The following RNFT1 variants were observed in gnomAD, a reference collection of about 807,000 sequenced individuals.
RNFT1 encodes ring finger protein, transmembrane 1.
In RNFT1, 35 loss-of-function variants were observed where a neutral mutation model predicts 53.2. That is an observed-to-expected ratio of 0.66 (90% confidence interval 0.50 to 0.87). RNFT1 has a LOEUF of 0.87. Among genes scored for constraint, RNFT1 ranks in the 40% least tolerant of loss-of-function variants. The probability of loss-of-function intolerance (pLI) is 0.00; values close to 1 mark genes in which losing one functional copy is unlikely to be tolerated. For synonymous variants in RNFT1, 141 were observed against 172.8 expected (o/e 0.82, Z 1.44); for missense variants, 421 against 515.0 (o/e 0.82, Z 1.77).
At chr17:59,953,837 A>AT (rs2045237054) in intron 8 of RNFT1, 2 of 407,198 alleles carry the variant, frequency 4.9e-6, no homozygotes, top group Non-Finnish European at 8.7e-6. Context: ...CAGTTGAATT[A>AT]TTTTTTCCCC....
intron 4 of RNFT1, 199 bp downstream of exon 4, chr17:59,959,869 C>A: frequency 2.9e-6 from 1 of 348,656 alleles, no homozygotes; most frequent in East Asian, 6.0e-5. Context: ...AAGATCAAGA[C>A]ACTGCACTCC....
At position 59,952,893 on chromosome 17, in the gene RNFT1, C is replaced by T; in HGVS notation, c.*84G>A. The T allele has an allele frequency of 1.5e-6, 2 of 1,305,974 alleles. No homozygotes were observed. The highest frequency in any genetic ancestry group is 2.1e-6 in the Non-Finnish European group (2 of 947,358). The allele number at this position is 1,305,974 out of a possible 1,614,324, so 80.9% of individuals were successfully genotyped here. ...CATCTGGAAACATTTTTCTGGTAGCCCTGAAAATCCATTCTGATGCCTTAT... is the reference window on the plus strand; with the variant it reads ...CATCTGGAAACATTTTTCTGGTAGCTCTGAAAATCCATTCTGATGCCTTAT... On this transcript the variant is annotated 3_prime_UTR_variant, in exon 9 of 9. Transcript: ENST00000305783.
At chr17:59,961,585 T>G (rs2045292535) in intron 3 of RNFT1, among the ~76,000 whole-genome samples, 2 of 146,794 alleles carry the variant, frequency 1.4e-5, no homozygotes, top group African/African-American at 5.0e-5. Flanking sequence ...ATTTTCTCTC[T>G]TTTTTTTTTT....
rs2045280002 is a variant in RNFT1 at position 59,960,236 on chromosome 17, T to C, written c.592-68A>G. 8 of 1,479,282 alleles carry C rather than the reference T, an allele frequency of 5.4e-6. No homozygotes were observed. The South Asian group carries it at 1.0e-4, about 19-fold the overall frequency. 91.6% of individuals were successfully genotyped at this position (1,479,282 alleles called of 1,614,324 possible). ...GAATTTTAAATATCATTAAACTGTT[T>C]TACTTTAATGACTATTAACTTAGAA... On this transcript the variant is annotated intron_variant, in intron 3 of 8. Transcript: ENST00000305783.
intron 4 of RNFT1, chr17:59,959,280 C>T (rs1266945215): frequency 6.6e-6 from 1 of 152,542 alleles, no homozygotes; most frequent in Admixed American, 6.5e-5. Flanking sequence ...TCTTGCTTCT[C>T]TCCACCCACC....
chr17:59,962,661 A>C, intron 2 of RNFT1, 45 bp from the exon 3 acceptor site: 1 of 1,464,976 alleles, frequency 6.8e-7, no homozygotes, highest in Non-Finnish European at 9.4e-7. Context: ...AAAAAAATCA[A>C]AGAGGATTAT....
At position 59,958,373 on chromosome 17, in the gene RNFT1, T is replaced by C. The variant is rs779444337; in HGVS notation, c.764A>G (p.Asp255Gly). The stretch of plus-strand genomic sequence containing the variant: ...CATGAAAAAGAATTTCAGAATGAAG[T>C]CTGTAATTCCAACAATCCAAAATAC... ...WEVFWIVGIT[D>G]FILKFFFMGL... The change falls in exon 5 of 9, where the codon GAC becomes GGC. Residue 255 changes from aspartate to glycine, a missense_variant. Asp to Gly is a moderately conservative substitution (Grantham distance 94). Transcript: ENST00000305783. 1 of 1,605,512 alleles carries C rather than the reference T, an allele frequency of 6.2e-7. No homozygotes were observed. The highest frequency in any genetic ancestry group is 1.1e-5 in the South Asian group (1 of 88,318).
In RNFT1 at chr17:59,957,353, C is replaced by G. The variant is rs751790687; in HGVS notation, c.876G>C (p.Leu292Phe). ...KGYWYMLLEE[L>F]CQYYRTFVPI... Reference sequence around the variant, plus strand: ...GAACAAAAGTTCGGTAGTATTGACACAATTCTTCTAAAAGCATATACCAGT... The same window carrying G: ...GAACAAAAGTTCGGTAGTATTGACAGAATTCTTCTAAAAGCATATACCAGT... The change falls in exon 6 of 9, where the codon TTG (leucine) becomes TTC (phenylalanine). Residue 292 changes from leucine to phenylalanine, a missense_variant. Leu to Phe is a conservative substitution (Grantham distance 22). Coordinates refer to ENST00000305783, the MANE Select transcript of RNFT1 (RefSeq NM_016125.4). 6.2e-7 allele frequency: 1 copy of G among 1,613,538 alleles called. No homozygotes were observed. Among genetic ancestry groups the G allele is most frequent in the Non-Finnish European group, 8.5e-7 (1 of 1,179,852 alleles).
chr17:59,962,880 C>G lies in RNFT1; in HGVS notation c.461G>C (p.Ser154Thr). 1 of 1,613,870 alleles carries G rather than the reference C, an allele frequency of 6.2e-7. No individual in the cohort carries two copies. Among genetic ancestry groups the G allele is most frequent in the Non-Finnish European group, 8.5e-7 (1 of 1,179,838 alleles). ...FRYLFKWLQK[S>T]LPYILILSVK... Reference sequence around the variant, plus strand: ...GCTCAGAATCAAAATATATGGAAGACTTTTTTGCAGCCACTTGAAGAGATA... The same window carrying G: ...GCTCAGAATCAAAATATATGGAAGAGTTTTTTGCAGCCACTTGAAGAGATA... The change falls in exon 2 of 9, where the codon AGT becomes ACT. Residue 154 changes from serine to threonine, a missense_variant. Transcript: ENST00000305783.
intron 5 of RNFT1, among the ~76,000 whole-genome samples, chr17:59,957,640 G>A (rs950618525): frequency 6.6e-6 from 1 of 152,162 alleles, no homozygotes; most frequent in Non-Finnish European, 1.5e-5. Context: ...GAGGTCAGGA[G>A]TTCGAGACCA....
chr17:59,952,798 T>C lies in RNFT1; in HGVS notation c.*179A>G, dbSNP rs1387321359. ...TATACATTAGGTTGAACATTATATATATTTTAAAACACAGGGTGGTTTCAT... is the reference window on the plus strand; with the variant it reads ...TATACATTAGGTTGAACATTATATACATTTTAAAACACAGGGTGGTTTCAT... On this transcript the variant is annotated 3_prime_UTR_variant, in exon 9 of 9. Transcript: ENST00000305783. The C allele has an allele frequency of 2.1e-5, 11 of 518,628 alleles. No individual in the cohort carries two copies. The highest frequency in any genetic ancestry group is 3.4e-5 in the Non-Finnish European group (10 of 296,972). The allele number at this position is 518,628 out of a possible 1,614,324, so 32.1% of individuals were successfully genotyped here. A position where few individuals can be genotyped will look rare whatever the true frequency, so the allele number is the denominator to read the frequency against.
chr17:59,958,487 AAGAT>A, intron 4 of RNFT1, 43 bp from the exon 5 acceptor site: 1 of 1,388,602 alleles, frequency 7.2e-7, no homozygotes, highest in African/African-American at 1.5e-5. Context: ...GCAACATACA[AAGAT>A]AAAGTATTAA....
chr17:59,961,194 G>A (rs1386081922), intron 3 of RNFT1, among the ~76,000 whole-genome samples: 4 of 151,610 alleles, frequency 2.6e-5, no homozygotes, highest in African/African-American at 4.9e-5. Context: ...GTGCCACCAC[G>A]CCCAGCTAAT....
In RNFT1 at chr17:59,954,163, T is replaced by C. The variant is rs775481904; in HGVS notation, c.1072-17A>G. 4 of 1,505,110 alleles carry C rather than the reference T, an allele frequency of 2.7e-6. No homozygotes were observed. In the African/African-American group the frequency reaches 5.6e-5, roughly 21 times the overall value. 93.2% of individuals were successfully genotyped at this position (1,505,110 alleles called of 1,614,324 possible). ...TCCATAACTCTATGAAGATAGTAAGTTCTGTTCATCTACAAATTTCTTTCT... is the reference window on the plus strand; with the variant it reads ...TCCATAACTCTATGAAGATAGTAAGCTCTGTTCATCTACAAATTTCTTTCT... On this transcript the variant is annotated splice_polypyrimidine_tract_variant and intron_variant, in intron 7 of 8. Coordinates refer to ENST00000305783, the MANE Select transcript of RNFT1 (RefSeq NM_016125.4).
At chr17:59,962,342 G>GT (rs1285257122) in intron 3 of RNFT1, 198 bp downstream of exon 3, 1 of 480,718 alleles carries the variant, frequency 2.1e-6, no homozygotes, top group African/African-American at 2.0e-5. Flanking sequence ...TACAAAGAAG[G>GT]TAAGGTGAAG....
intron 6 of RNFT1, 96 bp downstream of exon 6, chr17:59,957,128 G>T: frequency 1.6e-6 from 2 of 1,229,984 alleles, no homozygotes; most frequent in Non-Finnish European, 2.3e-6. Flanking sequence ...GTGATATGAA[G>T]ATAAACTATA....
intron 4 of RNFT1, 148 bp from the exon 5 acceptor site, chr17:59,958,592 A>G (rs1293159772): frequency 8.2e-6 from 6 of 736,066 alleles, no homozygotes; most frequent in Non-Finnish European, 1.4e-5. Flanking sequence ...AATGGAATGG[A>G]GGATCATTTT....
At chr17:59,955,517 A>C (rs181074229) in intron 7 of RNFT1, among the ~76,000 whole-genome samples, 1 of 152,302 alleles carries the variant, frequency 6.6e-6, no homozygotes, top group East Asian at 1.9e-4. Context: ...CACAAATCTT[A>C]CAAGACCAAT....
At chr17:59,959,781 G>A (rs953092513) in intron 4 of RNFT1, 2 of 172,546 alleles carry the variant, frequency 1.2e-5, no homozygotes, top group Non-Finnish European at 1.2e-5. Context: ...GTGGTGGCGT[G>A]TGCCTGTAAT....
Sources: allele counts gnomAD v4.1 joint callset (sites outside exome capture counted in the v4.1 genomes callset), GRCh38; gene constraint gnomAD v4.1.1; transcripts MANE v1.5; gene names NCBI Gene and HGNC (gene_info 2026-07-23, HGNC 2026-07-21).